Variants in TNFAIP8 observed in about 807,000 individuals in gnomAD.
TNFAIP8 encodes the protein TNF alpha induced protein 8.
In TNFAIP8, 7 loss-of-function variants were observed where a neutral mutation model predicts 13.3. That is an observed-to-expected ratio of 0.52 (90% CI 0.30 to 0.99). TNFAIP8 has a LOEUF of 0.99. Ranked by LOEUF, TNFAIP8 falls within the 50% of genes least tolerant of loss-of-function variation. TNFAIP8 has a pLI of 0.07. For synonymous variants in TNFAIP8, 94 were observed against 87.6 expected (o/e 1.07, Z -0.41); for missense variants, 258 against 236.9 (o/e 1.09, Z -0.58).
In TNFAIP8 at chr5:119,398,334, T is replaced by G. The variant is rs1267877375; in HGVS notation, c.*4953T>G. On this transcript the variant is annotated 3_prime_UTR_variant, in exon 2 of 2. Transcript: ENST00000504771. ...TTGTAGAATAATGTAAGACAATATG[T>G]TTCTTTCTACTTTGGTTTTTCCATT... 2 of 152,220 alleles carry G rather than the reference T, an allele frequency of 1.3e-5. No homozygotes were observed. The highest frequency in any genetic ancestry group is 4.8e-5 in the African/African-American group (2 of 41,460). The allele number at this position is 152,220 out of a possible 1,614,324, so 9.4% of individuals were successfully genotyped here.
chr5:119,293,189 C>G (rs899930484), intron 1 of TNFAIP8, among the ~76,000 whole-genome samples: 6 of 151,796 alleles, frequency 4.0e-5, no homozygotes, highest in African/African-American at 1.5e-4. Context: ...CGTCACATCC[C>G]TTTTTTTTCA....
At chr5:119,336,661 C>G (rs1562006149) in intron 1 of TNFAIP8, among the ~76,000 whole-genome samples, 1 of 152,130 alleles carries the variant, frequency 6.6e-6, no homozygotes, top group Admixed American at 6.5e-5. Context: ...TCTCATAAAG[C>G]CTCCCCTATT....
intron 1 of TNFAIP8, among the ~76,000 whole-genome samples, chr5:119,363,146 TGG>T (rs1751697552): frequency 6.6e-6 from 1 of 152,202 alleles, no homozygotes; most frequent in Admixed American, 6.5e-5. Context: ...AAGGAGAGCA[TGG>T]GGCCTTGGAA....
chr5:119,378,316 G>A (rs923597513), intron 1 of TNFAIP8, among the ~76,000 whole-genome samples: 2 of 152,050 alleles, frequency 1.3e-5, no homozygotes, highest in Non-Finnish European at 2.9e-5. Context: ...TAGAACTCTG[G>A]GTTTTTTTTT....
chr5:119,295,719 G>T (rs971597079), intron 1 of TNFAIP8, among the ~76,000 whole-genome samples: 1 of 152,076 alleles, frequency 6.6e-6, no homozygotes, highest in Non-Finnish European at 1.5e-5. Flanking sequence ...ATTACCTTGG[G>T]CAGTATGGCC....
In TNFAIP8 at chr5:119,309,508, T is replaced by A. The variant is rs1749666836; in HGVS notation, c.1+40601T>A. On this transcript the variant is annotated intron_variant, in intron 1 of 1. Coordinates refer to the TNFAIP8 transcript ENST00000274456. Reference sequence around the variant, plus strand: ...GCTCCAGCACATTCTCCAAAAGGGATTCCCTTTCAACAGTTGTTTAAATAA... The same window carrying A: ...GCTCCAGCACATTCTCCAAAAGGGAATCCCTTTCAACAGTTGTTTAAATAA... 2.0e-5 allele frequency among the ~76,000 whole-genome samples: 3 copies of A among 152,262 alleles called. No individual in the cohort carries two copies. The South Asian group carries it at 6.2e-4, about 32-fold the overall frequency.
At chr5:119,293,383 C>G (rs6595180) in intron 1 of TNFAIP8, among the ~76,000 whole-genome samples, 1 of 152,046 alleles carries the variant, frequency 6.6e-6, no homozygotes, top group African/African-American at 2.4e-5. Flanking sequence ...CTCTAGTCAC[C>G]TCCATTTTAC....
At chr5:119,272,890 T>C (rs1372177026) in intron 1 of TNFAIP8, among the ~76,000 whole-genome samples, 1 of 152,198 alleles carries the variant, frequency 6.6e-6, no homozygotes, top group Non-Finnish European at 1.5e-5. Flanking sequence ...GGGCTAGGTG[T>C]ACAGATCTTT....
chr5:119,397,414 A>G lies in TNFAIP8; in HGVS notation c.*4033A>G, dbSNP rs1432509221. 6.6e-6 allele frequency: 1 copy of G among 152,268 alleles called. No homozygotes were observed. Among genetic ancestry groups the G allele is most frequent in the African/African-American group, 2.4e-5 (1 of 41,474 alleles). The allele number at this position is 152,268 out of a possible 1,614,324, so 9.4% of individuals were successfully genotyped here. On this transcript the variant is annotated 3_prime_UTR_variant, in exon 2 of 2. Transcript: ENST00000504771. ...AAATGAATTAAATTAGCATGTTAAT[A>G]AGAGTGATAATATTTAAAAGTTTTA...
intron 1 of TNFAIP8, among the ~76,000 whole-genome samples, chr5:119,315,156 C>G (rs760001068): frequency 3.9e-5 from 6 of 152,216 alleles, no homozygotes; most frequent in Non-Finnish European, 8.8e-5. Context: ...GATCTCAGCT[C>G]ACTACAAGCT....
In TNFAIP8 at chr5:119,356,124, A is replaced by G; in HGVS notation, c.31+3A>G. 6.3e-7 allele frequency: 1 copy of G among 1,583,504 alleles called. No individual in the cohort carries two copies. The highest frequency in any genetic ancestry group is 8.6e-7 in the Non-Finnish European group (1 of 1,162,556). ...CGAAGCAGAAGAATCCAAGGAAGGT[A>G]GGATTCTGGTTTCTCCTGGGGGCCG... On this transcript the variant is annotated splice_donor_region_variant and intron_variant, in intron 1 of 1. Transcript: ENST00000504771.
chr5:119,341,237 G>T (rs920802513), intron 1 of TNFAIP8, among the ~76,000 whole-genome samples: 1 of 151,984 alleles, frequency 6.6e-6, no homozygotes, highest in Non-Finnish European at 1.5e-5. Flanking sequence ...TTGCTTATTT[G>T]TTTTTAATGT....
chr5:119,355,137 T>G, upstream of TNFAIP8: 12 of 585,474 alleles, frequency 2.0e-5, no homozygotes, highest in East Asian at 5.9e-5. Flanking sequence ...GGGGGCAGAA[T>G]TGAGATCTGT....
At position 119,358,194 on chromosome 5, in the gene TNFAIP8, C is replaced by G. The variant is rs79315689; in HGVS notation, c.31+2073C>G. ...GAATGTCTGTATTGCAAGAAAACTG[C>G]CTTTGGATGCTTCATGCCTGATACG... On this transcript the variant is annotated intron_variant, in intron 1 of 1. Coordinates refer to ENST00000504771, the MANE Select transcript of TNFAIP8 (RefSeq NM_014350.4). Among the ~76,000 whole-genome samples the G allele has an allele frequency of 3.0e-3, 462 of 151,480 alleles. 4 individuals carry two copies. Among genetic ancestry groups the G allele is most frequent in the East Asian group, 0.022 (115 of 5,170 alleles).
chr5:119,363,467 C>T (rs1220797095), intron 1 of TNFAIP8, among the ~76,000 whole-genome samples: 1 of 152,202 alleles, frequency 6.6e-6, no homozygotes, highest in Non-Finnish European at 1.5e-5. Context: ...CCAGTAGATT[C>T]CTTTCCAGAT....
chr5:119,343,130 T>C (rs1174591220), intron 1 of TNFAIP8, among the ~76,000 whole-genome samples: 1 of 151,126 alleles, frequency 6.6e-6, no homozygotes, highest in Non-Finnish European at 1.5e-5. Flanking sequence ...AAAGCAATTG[T>C]GGTGGGGTTG....
Position 119,299,547 on chromosome 5 carries a change from G to T in TNFAIP8, c.1+30640G>T, listed in dbSNP as rs1021856489. Among the ~76,000 whole-genome samples the T allele has an allele frequency of 6.0e-4, 92 of 152,338 alleles. 1 individual carries two copies. The highest frequency in any genetic ancestry group is 2.2e-3 in the African/African-American group (90 of 41,584). On this transcript the variant is annotated intron_variant, in intron 1 of 1. Coordinates refer to the TNFAIP8 transcript ENST00000274456. ...GGGGTGCCTCCCAGTTAGGCTGCTT[G>T]GGGGTCAGGGGTCAGGGACCCTCGT... is the stretch of plus-strand genomic sequence containing the variant.
At chr5:119,362,865 T>C (rs937812374) in intron 1 of TNFAIP8, among the ~76,000 whole-genome samples, 1 of 152,002 alleles carries the variant, frequency 6.6e-6, no homozygotes, top group Admixed American at 6.6e-5. Flanking sequence ...AGTAGTGTTT[T>C]AGTAATGCCA....
At chr5:119,302,431 TC>T (rs1339357150) in intron 1 of TNFAIP8, among the ~76,000 whole-genome samples, 1 of 152,192 alleles carries the variant, frequency 6.6e-6, no homozygotes, top group Non-Finnish European at 1.5e-5. Flanking sequence ...CTCCTCTGCT[TC>T]TAGTATGTTT....
Sources: gnomAD v4.1 joint callset for allele counts (sites outside exome capture counted in the v4.1 genomes callset) on GRCh38, gnomAD v4.1.1 for gene constraint, MANE v1.5 for transcripts, NCBI Gene and HGNC (gene_info 2026-07-23, HGNC 2026-07-21) for gene names.